The following ZFPM1 variants were observed in gnomAD, a reference collection of about 807,000 sequenced individuals.
The protein encoded by ZFPM1 is zinc finger protein, FOG family member 1, also known as zinc finger protein ZFPM1.
A neutral mutation model predicts 46.3 loss-of-function variants in ZFPM1; 28 were observed. That is an observed-to-expected ratio of 0.60 (90% CI 0.45 to 0.83). ZFPM1 has a LOEUF of 0.83. Ranked by LOEUF, ZFPM1 falls within the 40% of genes least tolerant of loss-of-function variation. The pLI is 0.00. For missense variants in ZFPM1, 1,878 were observed against 1,432.4 expected, an observed-to-expected ratio of 1.31 and a Z score of -5.02; for synonymous variants, 957 against 675.9, an observed-to-expected ratio of 1.42 and a Z score of -6.45.
rs1371842418 is a variant in ZFPM1 at position 88,506,586 on chromosome 16, G to A, written c.269-7801G>A. On this transcript the variant is annotated intron_variant, in intron 3 of 9. Transcript: ENST00000319555. ...CTGGGTGTGCACGGGGCACAGCTCT[G>A]AGGAGCAGAGCCATTTCCCCAGTGT... Among the ~76,000 whole-genome samples the A allele has an allele frequency of 2.0e-5, 3 of 152,178 alleles. No individual in the cohort carries two copies. The East Asian group carries it at 5.8e-4, about 29-fold the overall frequency.
chr16:88,520,501 G>A (rs1036876746), intron 4 of ZFPM1, among the ~76,000 whole-genome samples: 2 of 150,136 alleles, frequency 1.3e-5, no homozygotes, highest in Admixed American at 6.6e-5. Flanking sequence ...TGAGTGGGTG[G>A]GTAGGTGGAT....
chr16:88,477,964 G>A (rs942167366), intron 1 of ZFPM1, among the ~76,000 whole-genome samples: 7 of 152,148 alleles, frequency 4.6e-5, no homozygotes, highest in African/African-American at 9.7e-5. Flanking sequence ...GGCCGACCTC[G>A]GAGGGGAGAA....
chr16:88,532,328 A>C (rs1483240592), intron 7 of ZFPM1, 93 bp downstream of exon 7: 2 of 1,233,548 alleles, frequency 1.6e-6, no homozygotes, highest in Non-Finnish European at 2.2e-6. Flanking sequence ...ATGCAAGCAC[A>C]CACGGTGCCA....
intron 3 of ZFPM1, among the ~76,000 whole-genome samples, chr16:88,496,660 A>G (rs907789222): frequency 2.0e-5 from 3 of 151,802 alleles, no homozygotes; most frequent in African/African-American, 7.3e-5. Flanking sequence ...GGGGAGAGAA[A>G]GCAACAGAGA....
intron 1 of ZFPM1, among the ~76,000 whole-genome samples, chr16:88,464,716 C>T (rs1908055256): frequency 6.6e-6 from 1 of 152,288 alleles, no homozygotes; most frequent in South Asian, 2.1e-4. Flanking sequence ...GTCCGCCCTG[C>T]ACTGTCTCCT....
intron 3 of ZFPM1, among the ~76,000 whole-genome samples, chr16:88,490,076 T>C (rs1909474436): frequency 6.6e-6 from 1 of 150,446 alleles, no homozygotes; most frequent in Non-Finnish European, 1.5e-5. Context: ...TTTTTTGAGA[T>C]GGAGTCTCAC....
At chr16:88,519,549 AGGAT>A (rs373170487) in intron 4 of ZFPM1, among the ~76,000 whole-genome samples, 2,004 of 109,744 alleles carry the variant, frequency 0.018, 48 homozygotes, top group African/African-American at 0.067. Context: ...GGTGGCTGAA[AGGAT>A]GGATGGATGG....
In ZFPM1 at chr16:88,532,247, C is replaced by G. The variant is rs1330477281; in HGVS notation, c.946+12C>G. 1 of 1,581,890 alleles carries G rather than the reference C, an allele frequency of 6.3e-7. No individual in the cohort carries two copies. Among genetic ancestry groups the G allele is most frequent in the Non-Finnish European group, 8.6e-7 (1 of 1,160,840 alleles). ...GCGCAGCCACAGCGGTGAGCCCCCA[C>G]CCCGGACGCGGGTCCTCAGGATGCC... On this transcript the variant is annotated intron_variant, in intron 7 of 9. Coordinates refer to ENST00000319555, the MANE Select transcript of ZFPM1 (RefSeq NM_153813.3).
chr16:88,489,068 C>T lies in ZFPM1; in HGVS notation c.183C>T (p.Ser61=). 2 of 1,613,176 alleles carry T rather than the reference C, an allele frequency of 1.2e-6. No homozygotes were observed. The highest frequency in any genetic ancestry group is 1.7e-6 in the Non-Finnish European group (2 of 1,179,792). The change falls in exon 3 of 10, where the codon TCC becomes TCT. Residue 61 remains serine, a synonymous_variant. Transcript: ENST00000319555. The part of the protein sequence containing the change: ...NSPPPLPPPT[S]PGGPKELEGQ... ...CCCCACCGCTGCCGCCCCCCACATC[C>T]CCAGGAGGCCCCAAGGAGCTGGAAG... is the stretch of plus-strand genomic sequence containing the variant.
chr16:88,524,454 T>C (rs553733406), intron 4 of ZFPM1, among the ~76,000 whole-genome samples: 3 of 152,290 alleles, frequency 2.0e-5, no homozygotes, highest in African/African-American at 7.2e-5. Context: ...GGGGGTGTCC[T>C]TTAAAAGGGG....
rs1034848169 is a variant in ZFPM1, at chr16:88,485,856, C to T, written c.41-83C>T. On this transcript the variant is annotated intron_variant, in intron 1 of 9. Coordinates refer to ENST00000319555, the MANE Select transcript of ZFPM1 (RefSeq NM_153813.3). ...TGCCATTTCCGCCTGGGCACCGGGGCTGTACCTATGCCAGGAGGGGTCAGG... is the reference window on the plus strand; with the variant it reads ...TGCCATTTCCGCCTGGGCACCGGGGTTGTACCTATGCCAGGAGGGGTCAGG... 5.5e-5 allele frequency: 74 copies of T among 1,345,116 alleles called. No homozygotes were observed. The East Asian group carries it at 1.6e-3, about 30-fold the overall frequency. The allele number at this position is 1,345,116 out of a possible 1,614,324, so 83.3% of individuals were successfully genotyped here.
chr16:88,515,085 T>C (rs1911214845), intron 4 of ZFPM1, among the ~76,000 whole-genome samples: 1 of 152,238 alleles, frequency 6.6e-6, no homozygotes, highest in Non-Finnish European at 1.5e-5. Flanking sequence ...CTTCTGGGGC[T>C]ACCTCCAACT....
Position 88,469,386 on chromosome 16 carries a change from GC to G in ZFPM1, c.40+15712del, listed in dbSNP as rs1215984134. Among the ~76,000 whole-genome samples the G allele has an allele frequency of 6.6e-6, 1 of 152,196 alleles. No homozygotes were observed. Among genetic ancestry groups the G allele is most frequent in the Non-Finnish European group, 1.5e-5 (1 of 68,030 alleles). ...GGATGGTTTCTGGGCTCTTCAGCAA[GC>G]CCCTTGCCGGCCTGGGCCTCAGTTT... is the stretch of plus-strand genomic sequence containing the variant. On this transcript the variant is annotated intron_variant, in intron 1 of 9. Coordinates refer to ENST00000319555, the MANE Select transcript of ZFPM1 (RefSeq NM_153813.3). This position sits in a 1 kb window ranked among gnomAD's most constrained non-coding sequence, Gnocchi z 4.3.
intron 1 of ZFPM1, 99 bp downstream of exon 1, chr16:88,453,777 G>A: frequency 2.8e-6 from 2 of 718,938 alleles, no homozygotes; most frequent in Non-Finnish European, 1.7e-6. Flanking sequence ...TGCCCTGGGC[G>A]CCGGCGACCT....
rs142475772 is a variant in ZFPM1, at chr16:88,517,476, GTGGATGGATGGA to G, written c.402+2988_402+2999del. 7.6e-3 allele frequency among the ~76,000 whole-genome samples: 988 copies of G among 130,834 alleles called. 12 individuals carry two copies. The highest frequency in any genetic ancestry group is 0.04 in the Middle Eastern group (8 of 198). The allele number at this position is 130,834 out of a possible 152,430, so 85.8% of individuals were successfully genotyped here. ...TGTAGGTAAATGGATGGATGGCTGG[GTGGATGGATGGA>G]TGGATGGATGGATGGATGGATGGAT... is the stretch of plus-strand genomic sequence containing the variant. On this transcript the variant is annotated intron_variant, in intron 4 of 9. Transcript: ENST00000319555.
intron 3 of ZFPM1, among the ~76,000 whole-genome samples, chr16:88,503,587 G>T (rs925545024): frequency 3.3e-5 from 5 of 152,160 alleles, no homozygotes; most frequent in African/African-American, 1.2e-4. Flanking sequence ...ACAGCCAGCT[G>T]CCTCTCTGTG....
intron 4 of ZFPM1, among the ~76,000 whole-genome samples, chr16:88,525,830 T>C (rs1413323250): frequency 6.6e-6 from 1 of 152,218 alleles, no homozygotes; most frequent in Non-Finnish European, 1.5e-5. Flanking sequence ...TCGCATTTCC[T>C]CTGCCATTCA....
intron 2 of ZFPM1, among the ~76,000 whole-genome samples, chr16:88,488,081 G>A (rs1391013358): frequency 6.6e-6 from 1 of 152,208 alleles, no homozygotes; most frequent in Admixed American, 6.5e-5. Context: ...TTGGTGGCTG[G>A]GGGGAGAGAG....
rs78551145 is a variant in ZFPM1 at position 88,475,562 on chromosome 16, G to A, written c.41-10377G>A. On this transcript the variant is annotated intron_variant, in intron 1 of 9. Transcript: ENST00000319555. ...AAAGGGAGGAGGAGGAGGGGAGAGCGAGCTGAGGCCTGAGAAAGCCCAGGT... is the reference window on the plus strand; with the variant it reads ...AAAGGGAGGAGGAGGAGGGGAGAGCAAGCTGAGGCCTGAGAAAGCCCAGGT... Among the ~76,000 whole-genome samples, 490 of 152,182 alleles carry A rather than the reference G, an allele frequency of 3.2e-3. 1 individual carries two copies. Among genetic ancestry groups the A allele is most frequent in the African/African-American group, 9.4e-3 (391 of 41,512 alleles).
Sources: gnomAD v4.1 joint callset for allele counts (sites outside exome capture counted in the v4.1 genomes callset) on GRCh38, gnomAD v4.1.1 for gene constraint, Gnocchi (gnomAD v3.1) non-coding constraint, MANE v1.5 for transcripts, NCBI Gene and HGNC (gene_info 2026-07-23, HGNC 2026-07-21) for gene names.